The following FAM171A1 variants were observed in gnomAD, a reference collection of about 807,000 sequenced individuals.
The protein encoded by FAM171A1 is family with sequence similarity 171 member A1.
In FAM171A1, 23 loss-of-function variants were observed where a neutral mutation model predicts 74.9. The ratio of observed to expected loss-of-function variants is 0.31; its 90% CI spans 0.22 to 0.44. FAM171A1 has a LOEUF of 0.44. Ranked by LOEUF, FAM171A1 falls within the 20% of genes least tolerant of loss-of-function variation. The pLI is 1.00. For missense variants in FAM171A1, 1,162 were observed against 1,159.2 expected (o/e 1.00, Z -0.03); for synonymous variants, 527 against 505.7 (o/e 1.04, Z -0.57).
intron 1 of FAM171A1, among the ~76,000 whole-genome samples, chr10:15,324,897 T>C (rs557651003): frequency 8.5e-5 from 13 of 152,174 alleles, no homozygotes; most frequent in Non-Finnish European, 1.8e-4. Context: ...TTCCAATCAC[T>C]GAGTAGAAAC....
At chr10:15,324,056 C>T (rs1283910346) in intron 1 of FAM171A1, among the ~76,000 whole-genome samples, 1 of 152,144 alleles carries the variant, frequency 6.6e-6, no homozygotes, top group Non-Finnish European at 1.5e-5. Context: ...AGCTCTAATT[C>T]CTGAAATTCA....
chr10:15,233,817 G>A (rs757595014), intron 5 of FAM171A1, among the ~76,000 whole-genome samples: 3 of 151,784 alleles, frequency 2.0e-5, no homozygotes, highest in Non-Finnish European at 4.4e-5. Flanking sequence ...CAGGAGAATC[G>A]CTTGAACCAG....
intron 1 of FAM171A1, among the ~76,000 whole-genome samples, chr10:15,354,784 T>C (rs992459453): frequency 2.0e-5 from 3 of 152,304 alleles, no homozygotes; most frequent in Non-Finnish European, 2.9e-5. Context: ...CAACAGACGA[T>C]AGGTGAATGG....
intron 3 of FAM171A1, among the ~76,000 whole-genome samples, chr10:15,275,157 C>T (rs554885280): frequency 9.2e-5 from 14 of 152,090 alleles, no homozygotes; most frequent in South Asian, 4.1e-4. Context: ...ATGTAAATGA[C>T]GAGTTAATGG....
intron 1 of FAM171A1, among the ~76,000 whole-genome samples, chr10:15,353,576 C>T (rs1304558759): frequency 6.6e-6 from 1 of 152,152 alleles, no homozygotes; most frequent in East Asian, 1.9e-4. Context: ...CAGAAAACAT[C>T]GTCTCTTTTT....
intron 5 of FAM171A1, chr10:15,237,576 A>C (rs1432780405): frequency 1.3e-5 from 2 of 152,212 alleles, no homozygotes; most frequent in Admixed American, 6.5e-5. Flanking sequence ...GTACAGAGCC[A>C]CTGCGATGCT....
chr10:15,270,202 C>T (rs2131791787), intron 3 of FAM171A1, among the ~76,000 whole-genome samples: 1 of 152,328 alleles, frequency 6.6e-6, no homozygotes, highest in South Asian at 2.1e-4. Context: ...TTCTAACAGT[C>T]TTAGCAAACG....
At position 15,342,123 on chromosome 10, in the gene FAM171A1, C is replaced by T. The variant is rs568198657; in HGVS notation, c.97+28833G>A. 7.2e-5 allele frequency among the ~76,000 whole-genome samples: 11 copies of T among 152,354 alleles called. No individual in the cohort carries two copies. The East Asian group carries it at 2.1e-3, about 29-fold the overall frequency. On this transcript the variant is annotated intron_variant, in intron 1 of 7. Transcript: ENST00000378116. ...GATTGACATCATGAAATTGGGGCTACAAACCCTAAGCAATCTACGGGCAAG... is the reference window on the plus strand; with the variant it reads ...GATTGACATCATGAAATTGGGGCTATAAACCCTAAGCAATCTACGGGCAAG...
chr10:15,255,469 T>C (rs1003466938), intron 3 of FAM171A1, among the ~76,000 whole-genome samples: 1 of 152,190 alleles, frequency 6.6e-6, no homozygotes, highest in Non-Finnish European at 1.5e-5. Context: ...GCGTGCTTCC[T>C]ACTTGTGATG....
chr10:15,257,877 C>T (rs1314479936), intron 3 of FAM171A1, among the ~76,000 whole-genome samples: 2 of 151,958 alleles, frequency 1.3e-5, no homozygotes, highest in African/African-American at 2.4e-5. Flanking sequence ...AGCCTGCCTC[C>T]GTGTACTAAA....
upstream of FAM171A1, among the ~76,000 whole-genome samples, chr10:15,371,551 G>A (rs1364759298): frequency 2.6e-5 from 4 of 152,132 alleles, no homozygotes; most frequent in African/African-American, 9.7e-5. Flanking sequence ...GTATCTGGGT[G>A]TGACCCCCCC....
chr10:15,307,581 G>T (rs1279084216), intron 1 of FAM171A1, among the ~76,000 whole-genome samples: 1 of 146,712 alleles, frequency 6.8e-6, no homozygotes, highest in African/African-American at 2.5e-5. Flanking sequence ...GGGAGGCAGA[G>T]GTTGCAGTGA....
chr10:15,268,352 G>A (rs1462619092), intron 3 of FAM171A1, among the ~76,000 whole-genome samples: 5 of 152,124 alleles, frequency 3.3e-5, no homozygotes, highest in Non-Finnish European at 5.9e-5. Flanking sequence ...GGGACATGGT[G>A]GTATCCTGGA....
intron 5 of FAM171A1, among the ~76,000 whole-genome samples, chr10:15,247,887 A>G (rs1339710887): frequency 2.0e-5 from 3 of 152,336 alleles, no homozygotes; most frequent in East Asian, 1.9e-4. Context: ...CCTCTGGTCA[A>G]CAGCCGGCAA....
chr10:15,219,651 G>C (rs527613170), intron 6 of FAM171A1, among the ~76,000 whole-genome samples: 33 of 151,952 alleles, frequency 2.2e-4, no homozygotes, highest in Non-Finnish European at 3.1e-4. Flanking sequence ...GCACAATCTC[G>C]GCTCACTGCA....
intron 7 of FAM171A1, among the ~76,000 whole-genome samples, chr10:15,215,237 C>T (rs1280333441): frequency 6.6e-6 from 1 of 152,090 alleles, no homozygotes; most frequent in Non-Finnish European, 1.5e-5. Flanking sequence ...TAAAATTTTT[C>T]CTCTATAATG....
intron 1 of FAM171A1, among the ~76,000 whole-genome samples, chr10:15,353,606 A>G (rs1367165692): frequency 2.6e-5 from 4 of 152,220 alleles, no homozygotes; most frequent in African/African-American, 4.8e-5. Context: ...GTATTTGAAG[A>G]TAAACAACAG....
At chr10:15,277,349 C>G (rs1412810664) in intron 2 of FAM171A1, among the ~76,000 whole-genome samples, 1 of 152,128 alleles carries the variant, frequency 6.6e-6, no homozygotes, top group East Asian at 1.9e-4. Context: ...TCCCGAATAG[C>G]TGGGATTACA....
In FAM171A1 at chr10:15,254,705, A is replaced by AG. The variant is rs1369825195; in HGVS notation, c.577+15_577+16insC. The AG allele has an allele frequency of 6.2e-7, 1 of 1,610,228 alleles. No homozygotes were observed. The highest frequency in any genetic ancestry group is 1.3e-5 in the African/African-American group (1 of 74,712). ...ACACAGTAACTCCCACTGAAAAGAG[A>AG]AAAGACTCCAATTACCTGTTCCATT... On this transcript the variant is annotated intron_variant, in intron 4 of 7. Coordinates refer to ENST00000378116, the MANE Select transcript of FAM171A1 (RefSeq NM_001010924.2).
Sources: allele counts gnomAD v4.1 joint callset (sites outside exome capture counted in the v4.1 genomes callset), GRCh38; gene constraint gnomAD v4.1.1; transcripts MANE v1.5; gene names NCBI Gene and HGNC (gene_info 2026-07-23, HGNC 2026-07-21).